IGSF10: variants seen among roughly 807,000 people sequenced by gnomAD.
The protein encoded by IGSF10 is calvaria mechanical force protein 608.
Under a neutral mutation model 128.2 loss-of-function variants are expected in IGSF10, and 126 were observed. That is an observed-to-expected ratio of 0.98 (90% confidence interval 0.85 to 1.14). The LOEUF (loss-of-function observed/expected upper bound fraction) is 1.14, where lower values mean the gene tolerates loss of function less well. Among genes scored for constraint, IGSF10 ranks in the 50% most tolerant of loss-of-function variants. IGSF10 has a pLI of 0.00. For synonymous variants in IGSF10, 1,185 were observed against 1,146.2 expected (o/e 1.03, Z -0.68); for missense variants, 3,295 against 3,149.8 (o/e 1.05, Z -1.10).
chr3:151,438,736 G>GACATTTTGAGAGAGATATATAT (rs1260856801), intron 7 of IGSF10, 139 bp from the exon 8 acceptor site: 1 of 617,358 alleles, frequency 1.6e-6, no homozygotes, highest in Non-Finnish European at 2.8e-6. Flanking sequence ...TGTAGAACAT[G>GACATTTTGAGAGAGATATATAT]ACATTTTGAG....
chr3:151,565,391 G>A, the IGSF10 span, among the ~76,000 whole-genome samples: 1 of 152,052 alleles, frequency 6.6e-6, no homozygotes, highest in Non-Finnish European at 1.5e-5. Flanking sequence ...AAGTGAATAA[G>A]GAATTTGAGA....
Position 151,447,421 on chromosome 3 carries a change from C to T in IGSF10, c.2560G>A (p.Glu854Lys). 1 of 1,614,028 alleles carries T rather than the reference C, an allele frequency of 6.2e-7. No individual in the cohort carries two copies. The highest frequency in any genetic ancestry group is 8.5e-7 in the Non-Finnish European group (1 of 1,179,952). The change falls in exon 6 of 8, where the codon GAA becomes AAA. Residue 854 changes from glutamate (E) to lysine (K), a missense_variant. Coordinates refer to ENST00000282466, the MANE Select transcript of IGSF10 (RefSeq NM_178822.5). The stretch of plus-strand genomic sequence containing the variant: ...GACAGTTTGAAATCTGTGGGTTCTT[C>T]AGGTGGTAGTATTTGTGAATTCACA... ...PVVNSQILPPEEPTDFKLSTA... is the reference protein window; with the variant it reads ...PVVNSQILPPKEPTDFKLSTA...
the IGSF10 span, among the ~76,000 whole-genome samples, chr3:151,520,485 T>A: frequency 6.6e-6 from 1 of 151,638 alleles, no homozygotes; most frequent in East Asian, 1.9e-4. Context: ...ATACTGTTTA[T>A]ACATTCATGA....
At chr3:151,534,933 G>C in the IGSF10 span, among the ~76,000 whole-genome samples, 1 of 151,846 alleles carries the variant, frequency 6.6e-6, no homozygotes, top group Admixed American at 6.6e-5. Context: ...TGTCACAGTA[G>C]TTACAAGCAT....
At chr3:151,513,860 T>A in the IGSF10 span, among the ~76,000 whole-genome samples, 1 of 152,078 alleles carries the variant, frequency 6.6e-6, no homozygotes, top group Admixed American at 6.6e-5. Flanking sequence ...ATGAGTGAGC[T>A]CCCATTCACA....
chr3:151,483,576 G>T, the IGSF10 span, among the ~76,000 whole-genome samples: 2 of 152,158 alleles, frequency 1.3e-5, no homozygotes, highest in Non-Finnish European at 2.9e-5. Context: ...GATCGACACA[G>T]AAGGTGGATG....
the IGSF10 span, among the ~76,000 whole-genome samples, chr3:151,490,237 C>G: frequency 2.6e-5 from 4 of 151,976 alleles, no homozygotes; most frequent in Admixed American, 6.6e-5. Context: ...ATCGGGGTGG[C>G]TAAATTTAAA....
At chr3:151,517,459 C>T in the IGSF10 span, among the ~76,000 whole-genome samples, 1 of 151,954 alleles carries the variant, frequency 6.6e-6, no homozygotes, top group East Asian at 1.9e-4. Flanking sequence ...CCCTGGTGCA[C>T]TGTATTCTCT....
the IGSF10 span, among the ~76,000 whole-genome samples, chr3:151,563,701 G>A: frequency 2.0e-5 from 3 of 151,774 alleles, no homozygotes; most frequent in Admixed American, 6.6e-5. Flanking sequence ...AATTTGCAGC[G>A]TTTAAAAAAA....
downstream of IGSF10, chr3:151,433,278 A>T (rs995431229): frequency 6.5e-6 from 1 of 153,310 alleles, no homozygotes; most frequent in Admixed American, 6.5e-5. Flanking sequence ...TTTATTCTGC[A>T]TTCACCTGTG....
chr3:151,494,860 G>C, the IGSF10 span, among the ~76,000 whole-genome samples: 1 of 152,034 alleles, frequency 6.6e-6, no homozygotes, highest in Non-Finnish European at 1.5e-5. Context: ...TTTTAAGGCA[G>C]TGCCATTAAA....
At chr3:151,502,398 A>G in the IGSF10 span, among the ~76,000 whole-genome samples, 120,762 of 151,790 alleles carry the variant, frequency 0.8, 48,173 homozygotes, top group Middle Eastern at 0.9. Flanking sequence ...AAAAGAGCCT[A>G]TGGAGTGACG....
the IGSF10 span, among the ~76,000 whole-genome samples, chr3:151,571,794 G>C: frequency 6.6e-6 from 1 of 152,120 alleles, no homozygotes; most frequent in Non-Finnish European, 1.5e-5. Flanking sequence ...TCCCTGTCTT[G>C]TGCCAGTTTT....
At chr3:151,595,768 A>G in the IGSF10 span, among the ~76,000 whole-genome samples, 1 of 150,968 alleles carries the variant, frequency 6.6e-6, no homozygotes, top group South Asian at 2.1e-4. Flanking sequence ...CAGAGAATAG[A>G]AAGGTGGTTA....
the IGSF10 span, among the ~76,000 whole-genome samples, chr3:151,619,343 T>G: frequency 1.3e-5 from 2 of 152,194 alleles, no homozygotes; most frequent in Non-Finnish European, 2.9e-5. Flanking sequence ...GAAGTATTTA[T>G]GATAAAAGCA....
rs1332887249 is a variant in IGSF10, at chr3:151,440,299, G to T, written c.5964-1702C>A. 5.9e-5 allele frequency among the ~76,000 whole-genome samples: 9 copies of T among 152,198 alleles called. No homozygotes were observed. The East Asian group carries it at 1.7e-3, about 29-fold the overall frequency. On this transcript the variant is annotated intron_variant, in intron 7 of 7. Transcript: ENST00000282466. The stretch of plus-strand genomic sequence containing the variant: ...CCCGCCTTGGTCTCCCAAAGTGCTG[G>T]AATGACAGGCGTGAACCACCACACC...
chr3:151,539,371 T>G, the IGSF10 span, among the ~76,000 whole-genome samples: 1 of 152,152 alleles, frequency 6.6e-6, no homozygotes, highest in Non-Finnish European at 1.5e-5. Context: ...TTCTTTTAAA[T>G]TCATCAAATA....
the IGSF10 span, among the ~76,000 whole-genome samples, chr3:151,530,810 C>T: frequency 6.6e-6 from 1 of 152,132 alleles, no homozygotes; most frequent in Non-Finnish European, 1.5e-5. Context: ...CATCAACTAA[C>T]GGGCAAAATA....
the IGSF10 span, among the ~76,000 whole-genome samples, chr3:151,470,069 T>G: frequency 6.6e-6 from 1 of 152,246 alleles, no homozygotes; most frequent in African/African-American, 2.4e-5. Context: ...AGCAGTACAC[T>G]TGGCCTGTAA....
Sources: gnomAD v4.1 joint callset for allele counts (sites outside exome capture counted in the v4.1 genomes callset) on GRCh38, gnomAD v4.1.1 for gene constraint, MANE v1.5 for transcripts, NCBI Gene and HGNC (gene_info 2026-07-23, HGNC 2026-07-21) for gene names.